The following B4GALT7 variants were observed in gnomAD, a reference collection of about 807,000 sequenced individuals.
The protein encoded by B4GALT7 is beta-1,4-galactosyltransferase 7.
A neutral mutation model predicts 33.0 loss-of-function variants in B4GALT7; 30 were observed. The ratio of observed to expected loss-of-function variants is 0.91; its 90% confidence interval spans 0.68 to 1.23. The LOEUF is 1.23. B4GALT7 is among the 50% of genes most tolerant of loss of function. The pLI is 0.00. For missense variants in B4GALT7, 507 were observed against 450.8 expected, an observed-to-expected ratio of 1.12 and a Z score of -1.13; for synonymous variants, 213 against 187.2, an observed-to-expected ratio of 1.14 and a Z score of -1.13.
rs1056032391 is a variant in B4GALT7, at chr5:177,600,191, C to T, written c.-20C>T. 13 of 1,350,106 alleles carry T rather than the reference C, an allele frequency of 9.6e-6. No individual in the cohort carries two copies. The highest frequency in any genetic ancestry group is 9.3e-5 in the East Asian group (3 of 32,100). 83.6% of individuals were successfully genotyped at this position (1,350,106 alleles called of 1,614,324 possible). On this transcript the variant is annotated 5_prime_UTR_variant, in exon 1 of 6. Transcript: ENST00000029410. The surrounding 1 kb of genome is among the most constrained non-coding windows in gnomAD (Gnocchi z 4.4). ...CCGGGCTGCGAGCGCCTGCCCCATG[C>T]GCCGCCGCCTCTCCGCACGATGTTC...
chr5:177,605,402 G>T (rs887370738), intron 2 of B4GALT7, among the ~76,000 whole-genome samples: 1 of 152,246 alleles, frequency 6.6e-6, no homozygotes, highest in African/African-American at 2.4e-5. Flanking sequence ...TGCCCTGCTG[G>T]GAGCCTCACT....
chr5:177,610,183 C>A lies in B4GALT7; in HGVS notation c.*488C>A. 5.5e-6 allele frequency: 1 copy of A among 181,754 alleles called. No homozygotes were observed. The highest frequency in any genetic ancestry group is 1.2e-5 in the Non-Finnish European group (1 of 85,350). 11.3% of individuals were successfully genotyped at this position (181,754 alleles called of 1,614,324 possible). On this transcript the variant is annotated 3_prime_UTR_variant, in exon 6 of 6. Coordinates refer to ENST00000029410, the MANE Select transcript of B4GALT7 (RefSeq NM_007255.3). ...CCCCACAGAGGGGGAACAGCCAGCA[C>A]CGCTCTAGCTGGTTGTTGCCATGCC...
Position 177,604,403 on chromosome 5 carries a change from C to T in B4GALT7, c.275C>T (p.Pro92Leu), listed in dbSNP as rs778409854. The change falls in exon 2 of 6, where the codon CCC becomes CTC. Residue 92 changes from proline to leucine, a missense_variant. Physicochemically the swap from Pro to Leu is moderately conservative, Grantham distance 98 (BLOSUM62 -3). Transcript: ENST00000029410. Reference sequence around the variant, plus strand: ...TGGGAAGAAGACGCATCCTGGGGCCCCCACCGCCTGGCAGTGCTGGTGCCC... The same window carrying T: ...TGGGAAGAAGACGCATCCTGGGGCCTCCACCGCCTGGCAGTGCTGGTGCCC... ...EHWEEDASWG[P>L]HRLAVLVPFR... The T allele has an allele frequency of 1.9e-6, 3 of 1,613,802 alleles. No homozygotes were observed. Among genetic ancestry groups the T allele is most frequent in the East Asian group, 2.2e-5 (1 of 44,864 alleles).
Position 177,604,175 on chromosome 5 carries a change from C to T in B4GALT7, c.51-4C>T, listed in dbSNP as rs1451130226. 6 of 1,613,364 alleles carry T rather than the reference C, an allele frequency of 3.7e-6. No individual in the cohort carries two copies. The highest frequency in any genetic ancestry group is 1.1e-5 in the South Asian group (1 of 91,078). On this transcript the variant is annotated splice_polypyrimidine_tract_variant and splice_region_variant and intron_variant, in intron 1 of 5. Transcript: ENST00000029410. Reference sequence around the variant, plus strand: ...CTCCTGACCCTGTCCCGCGCTTGCTCCAGGTCCGGGTTGCTCTCCGGCGGC... The same window carrying T: ...CTCCTGACCCTGTCCCGCGCTTGCTTCAGGTCCGGGTTGCTCTCCGGCGGC...
In B4GALT7 at chr5:177,600,169, G is replaced by A; in HGVS notation, c.-42G>A. The stretch of plus-strand genomic sequence containing the variant: ...TAGGCCCGGGAGGCCGGGCCGGCCG[G>A]GCTGCGAGCGCCTGCCCCATGCGCC... On this transcript the variant is annotated 5_prime_UTR_variant, in exon 1 of 6. Transcript: ENST00000029410. This position sits in a 1 kb window ranked among gnomAD's most constrained non-coding sequence, Gnocchi z 4.4. The A allele has an allele frequency of 4.0e-6, 5 of 1,248,872 alleles. No homozygotes were observed. The highest frequency in any genetic ancestry group is 5.0e-6 in the Non-Finnish European group (5 of 996,322). 77.4% of individuals were successfully genotyped at this position (1,248,872 alleles called of 1,614,324 possible).
At position 177,600,157 on chromosome 5, in the gene B4GALT7, C is replaced by T; in HGVS notation, c.-54C>T. The T allele has an allele frequency of 8.2e-7, 1 of 1,215,370 alleles. No homozygotes were observed. Among genetic ancestry groups the T allele is most frequent in the Non-Finnish European group, 1.0e-6 (1 of 975,062 alleles). The allele number at this position is 1,215,370 out of a possible 1,614,324, so 75.3% of individuals were successfully genotyped here. A position where few individuals can be genotyped will look rare whatever the true frequency, so the allele number is the denominator to read the frequency against. ...GGAGGCGCCGCGTAGGCCCGGGAGG[C>T]CGGGCCGGCCGGGCTGCGAGCGCCT... On this transcript the variant is annotated 5_prime_UTR_variant, in exon 1 of 6. Coordinates refer to ENST00000029410, the MANE Select transcript of B4GALT7 (RefSeq NM_007255.3). The surrounding 1 kb of genome is among the most constrained non-coding windows in gnomAD (Gnocchi z 4.4).
intron 2 of B4GALT7, among the ~76,000 whole-genome samples, chr5:177,605,515 A>G (rs552317507): frequency 1.3e-5 from 2 of 152,362 alleles, no homozygotes; most frequent in African/African-American, 4.8e-5. Flanking sequence ...TTCAGAAAAC[A>G]GAATGAAATG....
chr5:177,607,226 G>C (rs1225433272), intron 2 of B4GALT7, 76 bp from the exon 3 acceptor site: 1 of 1,339,174 alleles, frequency 7.5e-7, no homozygotes, highest in Admixed American at 2.0e-5. Context: ...GCACCATGGG[G>C]ACCCCCGGGT....
At chr5:177,609,248 G>GGTGGCGGAGGC (rs1768107335) in intron 5 of B4GALT7, among the ~76,000 whole-genome samples, 1 of 152,286 alleles carries the variant, frequency 6.6e-6, no homozygotes, top group East Asian at 1.9e-4. Context: ...GGCAGGGTGG[G>GGTGGCGGAGGC]GTGGCGGAGG....
Position 177,608,886 on chromosome 5 carries a change from C to CCCGA in B4GALT7, c.724-22_724-19dup. ...GGGGCTCCAGGAAGGGCAGCCTGACCCCGACTTCCTTGGACCTCCCTAGCT... is the reference window on the plus strand; with the variant it reads ...GGGGCTCCAGGAAGGGCAGCCTGACCCCGACCGACTTCCTTGGACCTCCCTAGCT... On this transcript the variant is annotated intron_variant, in intron 4 of 5. Coordinates refer to ENST00000029410, the MANE Select transcript of B4GALT7 (RefSeq NM_007255.3). This position sits in a 1 kb window ranked among gnomAD's most constrained non-coding sequence, Gnocchi z 4.1. 6.2e-7 allele frequency: 1 copy of CCCGA among 1,602,248 alleles called. No individual in the cohort carries two copies. Among genetic ancestry groups the CCCGA allele is most frequent in the Non-Finnish European group, 8.5e-7 (1 of 1,170,248 alleles).
rs1452342641 is a variant in B4GALT7 at position 177,600,610 on chromosome 5, C to T, written c.50+350C>T. Among the ~76,000 whole-genome samples the T allele has an allele frequency of 6.6e-6, 1 of 152,130 alleles. No homozygotes were observed. Among genetic ancestry groups the T allele is most frequent in the Non-Finnish European group, 1.5e-5 (1 of 68,032 alleles). Reference sequence around the variant, plus strand: ...TTTCGTTGTGTCTGTGTTTCTCCACCAGCCTCCCTCTATCTGCATGCGGGT... The same window carrying T: ...TTTCGTTGTGTCTGTGTTTCTCCACTAGCCTCCCTCTATCTGCATGCGGGT... On this transcript the variant is annotated intron_variant, in intron 1 of 5. Transcript: ENST00000029410. The surrounding 1 kb of genome is among the most constrained non-coding windows in gnomAD (Gnocchi z 4.4).
chr5:177,608,377 G>A lies in B4GALT7; in HGVS notation c.640-162G>A, dbSNP rs887431591. On this transcript the variant is annotated intron_variant, in intron 3 of 5. Coordinates refer to ENST00000029410, the MANE Select transcript of B4GALT7 (RefSeq NM_007255.3). The surrounding 1 kb of genome is among the most constrained non-coding windows in gnomAD (Gnocchi z 4.1). The stretch of plus-strand genomic sequence containing the variant: ...GTGAGAACGGGAGAGGGCCCGGGAC[G>A]CGCTGCTTCCTGCCGCCCGCACTGC... The A allele has an allele frequency of 3.3e-5, 21 of 636,756 alleles. No homozygotes were observed. Among genetic ancestry groups the A allele is most frequent in the African/African-American group, 1.3e-4 (7 of 54,794 alleles). 39.4% of individuals were successfully genotyped at this position (636,756 alleles called of 1,614,324 possible). A position where few individuals can be genotyped will look rare whatever the true frequency, so the allele number is the denominator to read the frequency against.
Position 177,604,511 on chromosome 5 carries a change from T to C in B4GALT7, c.383T>C (p.Ile128Thr), listed in dbSNP as rs1332406943. Reference sequence around the variant, plus strand: ...AGCAGGAAGAAGATCCGGCACCACATCTACGTGCTCAACCAGGTGGACCAC... The same window carrying C: ...AGCAGGAAGAAGATCCGGCACCACACCTACGTGCTCAACCAGGTGGACCAC... ...FLSRKKIRHH[I>T]YVLNQVDHFR... Residue 128 changes from isoleucine (I) to threonine (T), a missense_variant, in exon 2 of 6, where the codon ATC becomes ACC. Physicochemically the swap from Ile to Thr is moderately conservative, Grantham distance 89 (BLOSUM62 -1). Transcript: ENST00000029410. 1.9e-6 allele frequency: 3 copies of C among 1,613,822 alleles called. No individual in the cohort carries two copies. Among genetic ancestry groups the C allele is most frequent in the African/African-American group, 1.3e-5 (1 of 75,006 alleles).
rs1768033766 is a variant in B4GALT7 at position 177,606,999 on chromosome 5, G to A, written c.414-303G>A. The A allele has an allele frequency of 2.1e-6, 1 of 465,808 alleles. No homozygotes were observed. Among genetic ancestry groups the A allele is most frequent in the Non-Finnish European group, 4.0e-6 (1 of 250,120 alleles). 28.9% of individuals were successfully genotyped at this position (465,808 alleles called of 1,614,324 possible). A position where few individuals can be genotyped will look rare whatever the true frequency, so the allele number is the denominator to read the frequency against. On this transcript the variant is annotated intron_variant, in intron 2 of 5. Coordinates refer to ENST00000029410, the MANE Select transcript of B4GALT7 (RefSeq NM_007255.3). This position sits in a 1 kb window ranked among gnomAD's most constrained non-coding sequence, Gnocchi z 4.2. Reference sequence around the variant, plus strand: ...CTTGCCTGCTTTGCTTTTCCCCCCAGCACGAACCACTGCTGGCCACGCTTT... The same window carrying A: ...CTTGCCTGCTTTGCTTTTCCCCCCAACACGAACCACTGCTGGCCACGCTTT...
chr5:177,607,134 G>A (rs1189178538), intron 2 of B4GALT7, 168 bp from the exon 3 acceptor site: 2 of 683,066 alleles, frequency 2.9e-6, no homozygotes, highest in Non-Finnish European at 5.3e-6. Context: ...GGCACATAGT[G>A]GGTGCTTAGT....
chr5:177,607,763 G>T, intron 3 of B4GALT7: 1 of 581,044 alleles, frequency 1.7e-6, no homozygotes, highest in South Asian at 2.0e-5. Flanking sequence ...TAACACTGAA[G>T]AGTGTAGGGG....
rs1426241993 is a variant in B4GALT7, at chr5:177,610,113, A to G, written c.*418A>G. The G allele has an allele frequency of 8.2e-6, 2 of 244,696 alleles. No individual in the cohort carries two copies. The highest frequency in any genetic ancestry group is 4.4e-5 in the African/African-American group (2 of 45,330). The allele number at this position is 244,696 out of a possible 1,614,324, so 15.2% of individuals were successfully genotyped here. On this transcript the variant is annotated 3_prime_UTR_variant, in exon 6 of 6. Transcript: ENST00000029410. The stretch of plus-strand genomic sequence containing the variant: ...GGGCCATGCAGCTGGCGTAGGTGGC[A>G]GTTGGGCCTGGTGAGGGTTAGGACT...
At chr5:177,609,198 G>A (rs1768106278) in intron 5 of B4GALT7, among the ~76,000 whole-genome samples, 184 bp downstream of exon 5, 1 of 152,092 alleles carries the variant, frequency 6.6e-6, no homozygotes, top group Non-Finnish European at 1.5e-5. Context: ...GGCACCCTGG[G>A]CACTGTGGGT....
chr5:177,603,320 T>G, intron 1 of B4GALT7: 5 of 985,438 alleles, frequency 5.1e-6, no homozygotes, highest in Non-Finnish European at 6.0e-6. Context: ...TCAGCTCCTG[T>G]CTCAGCATAC....
Sources: allele counts gnomAD v4.1 joint callset (sites outside exome capture counted in the v4.1 genomes callset), GRCh38; gene constraint gnomAD v4.1.1; non-coding constraint Gnocchi (gnomAD v3.1); transcripts MANE v1.5; gene names NCBI Gene and HGNC (gene_info 2026-07-23, HGNC 2026-07-21).